Variants in GRIK4 observed in about 807,000 individuals in gnomAD.
GRIK4 encodes the protein glutamate ionotropic receptor kainate type subunit 4.
In GRIK4, 40 loss-of-function variants were observed where a neutral mutation model predicts 104.9. The observed-to-expected ratio is 0.38, with a 90% CI of 0.30 to 0.50. The LOEUF (loss-of-function observed/expected upper bound fraction) is 0.50, where lower values mean the gene tolerates loss of function less well. Ranked by LOEUF, GRIK4 falls within the 20% of genes least tolerant of loss-of-function variation. The pLI is 0.93. For missense variants in GRIK4, 1,047 were observed against 1,308.1 expected, an observed-to-expected ratio of 0.80 and a Z score of 3.08; for synonymous variants, 485 against 524.9, an observed-to-expected ratio of 0.92 and a Z score of 1.04.
At chr11:120,519,889 T>TTTTTTTTTTTTTTTTTTTTTTTG (rs1555132646) in intron 1 of GRIK4, among the ~76,000 whole-genome samples, 1 of 146,586 alleles carries the variant, frequency 6.8e-6, no homozygotes, top group African/African-American at 2.6e-5. Flanking sequence ...TGTTTTTTTT[T>TTTTTTTTTTTTTTTTTTTTTTTG]TTGTTGTTGT....
chr11:120,793,849 GGC>G (rs1952451160), intron 3 of GRIK4, among the ~76,000 whole-genome samples: 1 of 150,122 alleles, frequency 6.7e-6, no homozygotes, highest in African/African-American at 2.5e-5. Context: ...AGAGGGGAAG[GGC>G]AGTGTTAGGG....
chr11:120,860,596 G>A (rs952168291), intron 8 of GRIK4, among the ~76,000 whole-genome samples: 3 of 151,994 alleles, frequency 2.0e-5, no homozygotes, highest in African/African-American at 7.3e-5. Context: ...ATGAAATGAC[G>A]ATGAATTTGT....
intron 3 of GRIK4, among the ~76,000 whole-genome samples, chr11:120,668,498 TC>T (rs781247051): frequency 2.4e-4 from 36 of 152,158 alleles, no homozygotes; most frequent in Non-Finnish European, 4.7e-4. Flanking sequence ...CCCTTTAAGC[TC>T]CCATCACTCC....
At chr11:120,746,544 C>A (rs1951441625) in intron 3 of GRIK4, among the ~76,000 whole-genome samples, 1 of 152,042 alleles carries the variant, frequency 6.6e-6, no homozygotes, top group African/African-American at 2.4e-5. Flanking sequence ...CCCTCAGAGC[C>A]CAGGGTCAAC....
intron 1 of GRIK4, among the ~76,000 whole-genome samples, chr11:120,575,630 G>A (rs1456326309): frequency 6.6e-6 from 1 of 152,228 alleles, no homozygotes; most frequent in East Asian, 1.9e-4. Flanking sequence ...AGGCACAAGT[G>A]TAGAACTGAC....
In GRIK4 at chr11:120,660,384, G is replaced by A. The variant is rs936962192; in HGVS notation, c.66G>A (p.Pro22=). The A allele has an allele frequency of 3.7e-6, 6 of 1,612,136 alleles. No homozygotes were observed. The highest frequency in any genetic ancestry group is 1.3e-5 in the African/African-American group (1 of 74,910). Residue 22 remains proline (P), a synonymous_variant, in exon 3 of 21, where the codon CCG becomes CCA. Transcript: ENST00000527524. The part of the protein sequence containing the change: ...PAWLVMVACS[P]HSLRIAAILD... The stretch of plus-strand genomic sequence containing the variant: ...GGCTCGTGATGGTCGCCTGCAGCCC[G>A]CACTCCTTGAGGATCGGTAAGTGTG...
intron 3 of GRIK4, among the ~76,000 whole-genome samples, 197 bp from the exon 4 acceptor site, chr11:120,802,496 C>A (rs1952638622): frequency 6.6e-6 from 1 of 152,176 alleles, no homozygotes; most frequent in Non-Finnish European, 1.5e-5. Flanking sequence ...GAATTCACTT[C>A]TACACCTGGC....
intron 8 of GRIK4, among the ~76,000 whole-genome samples, chr11:120,840,765 G>T (rs1413215166): frequency 6.6e-6 from 1 of 152,184 alleles, no homozygotes; most frequent in African/African-American, 2.4e-5. Context: ...CTGCCTGCCT[G>T]CCTTTGTTTG....
At chr11:120,706,501 T>C (rs1180825026) in intron 3 of GRIK4, among the ~76,000 whole-genome samples, 3 of 152,202 alleles carry the variant, frequency 2.0e-5, no homozygotes, top group Non-Finnish European at 4.4e-5. Context: ...AGTCCTTGCA[T>C]GGAGCCCAGG....
At chr11:120,911,221 G>T (rs911097677) in intron 13 of GRIK4, among the ~76,000 whole-genome samples, 5 of 151,638 alleles carry the variant, frequency 3.3e-5, no homozygotes, top group African/African-American at 9.7e-5. Flanking sequence ...TTAGAAGAAG[G>T]TACAGATTCC....
intron 3 of GRIK4, among the ~76,000 whole-genome samples, chr11:120,663,454 C>T (rs76592403): frequency 0.048 from 7,274 of 152,274 alleles, 528 homozygotes; most frequent in African/African-American, 0.16. Context: ...CCCTTAGCTG[C>T]TGAGAAGCAG....
At chr11:120,601,810 G>C (rs1028480599) in intron 1 of GRIK4, among the ~76,000 whole-genome samples, 17 of 152,124 alleles carry the variant, frequency 1.1e-4, no homozygotes, top group Non-Finnish European at 1.6e-4. Context: ...GGGAACAGAA[G>C]TGAGCTGTGC....
intron 14 of GRIK4, among the ~76,000 whole-genome samples, chr11:120,946,393 G>A (rs1943862013): frequency 6.6e-6 from 1 of 152,210 alleles, no homozygotes; most frequent in Admixed American, 6.5e-5. Flanking sequence ...GGGTGCAGTG[G>A]CGCATGCCTG....
At chr11:120,761,934 TC>T (rs1257865658) in intron 3 of GRIK4, among the ~76,000 whole-genome samples, 2 of 152,204 alleles carry the variant, frequency 1.3e-5, no homozygotes, top group African/African-American at 4.8e-5. Context: ...CTATACGGAC[TC>T]TTTTTTGCTT....
At position 120,905,309 on chromosome 11, in the gene GRIK4, T is replaced by C; in HGVS notation, c.1292T>C (p.Leu431Pro). Residue 431 changes from leucine to proline, a missense_variant, in exon 13 of 21, where the codon CTG becomes CCG. This residue lies in a region of GRIK4 where 440 missense variants were observed against 652.3 expected (regional missense o/e 0.67). Transcript: ENST00000527524. This position sits in a 1 kb window ranked among gnomAD's most constrained non-coding sequence, Gnocchi z 5.1. The stretch of plus-strand genomic sequence containing the variant: ...CTGCAGGAGAACCCATATTTAATGC[T>C]GAAGGGGAACCACCAGGAGATGGAA... Reference protein sequence around the residue: ...TTILENPYLMLKGNHQEMEGN... With the variant: ...TTILENPYLMPKGNHQEMEGN... The C allele has an allele frequency of 6.2e-7, 1 of 1,613,530 alleles. No homozygotes were observed. Among genetic ancestry groups the C allele is most frequent in the Non-Finnish European group, 8.5e-7 (1 of 1,179,464 alleles).
At chr11:120,962,879 C>T (rs1944316464) in intron 18 of GRIK4, 198 bp downstream of exon 18, 2 of 499,528 alleles carry the variant, frequency 4.0e-6, no homozygotes, top group South Asian at 3.5e-5. Context: ...ACGACCAGTG[C>T]TCAATCCTTA....
At chr11:120,718,125 C>T (rs1411251352) in intron 3 of GRIK4, among the ~76,000 whole-genome samples, 1 of 152,164 alleles carries the variant, frequency 6.6e-6, no homozygotes, top group Non-Finnish European at 1.5e-5. Flanking sequence ...TGACTTCTCC[C>T]TCCTGCCATC....
chr11:120,949,400 C>A (rs1373965786), intron 14 of GRIK4, among the ~76,000 whole-genome samples: 1 of 152,218 alleles, frequency 6.6e-6, no homozygotes, highest in African/African-American at 2.4e-5. Flanking sequence ...TTTTCAATTT[C>A]ATCCGCAGAG....
chr11:120,905,535 G>GGGGGGGGGGGT lies in GRIK4; in HGVS notation c.1476+42_1476+43insGGGGGGGGGGT. The GGGGGGGGGGGT allele has an allele frequency of 1.9e-6, 1 of 534,410 alleles. No homozygotes were observed. The allele number at this position is 534,410 out of a possible 1,614,324, so 33.1% of individuals were successfully genotyped here. Reference sequence around the variant, plus strand: ...TGATCTGGGCCTGAGGGTGGGCTGGGAGGGATTGGAAGAGCATGAGGTTGT... The same window carrying GGGGGGGGGGGT: ...TGATCTGGGCCTGAGGGTGGGCTGGGGGGGGGGGGGTAGGGATTGGAAGAGCATGAGGTTGT... On this transcript the variant is annotated intron_variant, in intron 13 of 20. Coordinates refer to ENST00000527524, the MANE Select transcript of GRIK4 (RefSeq NM_014619.5). The surrounding 1 kb of genome is among the most constrained non-coding windows in gnomAD (Gnocchi z 5.1).
Sources: allele counts gnomAD v4.1 joint callset (sites outside exome capture counted in the v4.1 genomes callset), GRCh38; gene constraint gnomAD v4.1.1; regional missense constraint gnomAD v4.1.1; non-coding constraint Gnocchi (gnomAD v3.1); transcripts MANE v1.5; gene names NCBI Gene and HGNC (gene_info 2026-07-23, HGNC 2026-07-21).